TOP6BL: variants seen among roughly 807,000 people sequenced by gnomAD.
TOP6BL encodes type 2 DNA topoisomerase 6 subunit B-like.
At chr11:66,758,302 C>CTTTTTTTTTTTTTTTTT in the TOP6BL span, 175 of 67,328 alleles carry the variant, frequency 2.6e-3, 47 homozygotes, top group African/African-American at 5.3e-3. Context: ...TTTTCTTTTT[C>CTTTTTTTTTTTTTTTTT]TTTTTTTTTT....
At chr11:66,784,527 T>C in the TOP6BL span, among the ~76,000 whole-genome samples, 1 of 152,272 alleles carries the variant, frequency 6.6e-6, no homozygotes. Flanking sequence ...CGTGTACTCA[T>C]TAGCAGTCAC....
the TOP6BL span, chr11:66,843,421 C>T: frequency 4.3e-6 from 6 of 1,402,170 alleles, no homozygotes; most frequent in African/African-American, 4.6e-5. Context: ...CTCCCTGGGA[C>T]TGCGTCACTG....
At chr11:66,766,986 G>C in the TOP6BL span, among the ~76,000 whole-genome samples, 1 of 151,746 alleles carries the variant, frequency 6.6e-6, no homozygotes, top group Non-Finnish European at 1.5e-5. Context: ...CTCCTTTTTT[G>C]TTTCCTCATT....
chr11:66,796,477 G>A, the TOP6BL span: 1 of 830,130 alleles, frequency 1.2e-6, no homozygotes. Context: ...TTTCAATGAA[G>A]ATGATTAAAA....
the TOP6BL span, chr11:66,762,243 C>T: frequency 4.8e-4 from 268 of 559,916 alleles, no homozygotes; most frequent in Non-Finnish European, 7.7e-4. Context: ...GGGGCCCGGC[C>T]GCAGAACACG....
chr11:66,787,312 C>T, the TOP6BL span, among the ~76,000 whole-genome samples: 1 of 151,902 alleles, frequency 6.6e-6, no homozygotes, highest in African/African-American at 2.4e-5. Flanking sequence ...AGCATGAATG[C>T]CTTAGGAGAA....
chr11:66,839,548 C>T, the TOP6BL span, among the ~76,000 whole-genome samples: 1 of 152,250 alleles, frequency 6.6e-6, no homozygotes, highest in Non-Finnish European at 1.5e-5. Flanking sequence ...GGGTCACAAC[C>T]ACAACACATA....
chr11:66,794,940 C>G, the TOP6BL span, among the ~76,000 whole-genome samples: 1 of 152,068 alleles, frequency 6.6e-6, no homozygotes, highest in Admixed American at 6.5e-5. Context: ...CGAGACCAGC[C>G]TGGCCAACAT....
chr11:66,758,953 CTG>C, the TOP6BL span: 1 of 861,934 alleles, frequency 1.2e-6, no homozygotes, highest in Admixed American at 2.6e-5. Flanking sequence ...TGTTCTGTGT[CTG>C]TAAGCAGTTT....
At chr11:66,786,778 G>GT in the TOP6BL span, among the ~76,000 whole-genome samples, 1 of 152,156 alleles carries the variant, frequency 6.6e-6, no homozygotes, top group Non-Finnish European at 1.5e-5. Context: ...GAAGATTGAC[G>GT]TAAGACATCC....
chr11:66,831,519 T>C, the TOP6BL span, among the ~76,000 whole-genome samples: 1 of 152,168 alleles, frequency 6.6e-6, no homozygotes, highest in African/African-American at 2.4e-5. Context: ...TACTGTTTGA[T>C]TGCACTTACA....
chr11:66,810,648 G>A, the TOP6BL span, among the ~76,000 whole-genome samples: 1 of 152,200 alleles, frequency 6.6e-6, no homozygotes, highest in African/African-American at 2.4e-5. Flanking sequence ...CTTGTGCTCA[G>A]TAAAGTGGCC....
At chr11:66,764,680 TAAAG>T in the TOP6BL span, among the ~76,000 whole-genome samples, 5 of 133,264 alleles carry the variant, frequency 3.8e-5, no homozygotes, top group East Asian at 2.1e-4. Flanking sequence ...AAAAAAAAAA[TAAAG>T]AAGTGAAAAT....
At chr11:66,797,773 G>A in the TOP6BL span, among the ~76,000 whole-genome samples, 2 of 152,152 alleles carry the variant, frequency 1.3e-5, no homozygotes, top group African/African-American at 4.8e-5. Flanking sequence ...TCAAAATGCT[G>A]GGATTACAGG....
the TOP6BL span, among the ~76,000 whole-genome samples, chr11:66,774,193 CCAAA>C: frequency 2.2e-4 from 33 of 152,002 alleles, no homozygotes; most frequent in Admixed American, 2.1e-3. Context: ...AAATCCTTTT[CCAAA>C]CAGATTGCTA....
chr11:66,819,904 T>TAAA, the TOP6BL span, among the ~76,000 whole-genome samples: 1 of 119,770 alleles, frequency 8.3e-6, no homozygotes, highest in African/African-American at 3.2e-5. Flanking sequence ...ACTCTTGTCT[T>TAAA]AAAAAAAAAA....
At chr11:66,746,134 C>T in the TOP6BL span, among the ~76,000 whole-genome samples, 75 of 151,956 alleles carry the variant, frequency 4.9e-4, no homozygotes, top group Non-Finnish European at 6.5e-4. Flanking sequence ...TAACAGAGGA[C>T]GTGTGAAGGA....
chr11:66,832,041 A>G, the TOP6BL span, among the ~76,000 whole-genome samples: 1 of 148,298 alleles, frequency 6.7e-6, no homozygotes, highest in Non-Finnish European at 1.5e-5. Context: ...TTTTCTATGT[A>G]TGCAGTTTAC....
chr11:66,817,653 G>C, the TOP6BL span, among the ~76,000 whole-genome samples: 1 of 152,016 alleles, frequency 6.6e-6, no homozygotes, highest in Admixed American at 6.6e-5. Flanking sequence ...TGGTCAGGCT[G>C]GTCTCGAACT....
Sources: allele counts gnomAD v4.1 joint callset (sites outside exome capture counted in the v4.1 genomes callset), GRCh38; gene constraint gnomAD v4.1.1; transcripts MANE v1.5; gene names NCBI Gene and HGNC (gene_info 2026-07-23, HGNC 2026-07-21).